DGKB: variants seen among roughly 807,000 people sequenced by gnomAD.
The protein encoded by DGKB is diacylglycerol kinase beta, also known as 90 kDa diacylglycerol kinase.
DGKB carries 67 observed loss-of-function variants against 114.3 expected under a neutral mutation model. The observed-to-expected ratio is 0.59, with a 90% CI of 0.48 to 0.72. DGKB has a LOEUF of 0.72. DGKB is among the 30% of genes least tolerant of loss of function. The probability of loss-of-function intolerance (pLI) is 0.00; values close to 1 mark genes in which losing one functional copy is unlikely to be tolerated. For synonymous variants in DGKB, 398 were observed against 323.1 expected, an observed-to-expected ratio of 1.23 and a Z score of -2.49; for missense variants, 907 against 975.2, an observed-to-expected ratio of 0.93 and a Z score of 0.93.
intron 17 of DGKB, among the ~76,000 whole-genome samples, chr7:14,605,757 A>C (rs898998763): frequency 6.6e-6 from 1 of 152,140 alleles, no homozygotes; most frequent in Non-Finnish European, 1.5e-5. Context: ...ATAGTGCTAC[A>C]AAACAGTCAT....
At chr7:14,176,604 G>T (rs1000816870) in intron 25 of DGKB, 8 of 1,224,074 alleles carry the variant, frequency 6.5e-6, no homozygotes, top group Non-Finnish European at 7.2e-6. Flanking sequence ...CTATTTAAAA[G>T]ATCTATTTAT....
chr7:14,811,590 T>C (rs1361322114), intron 2 of DGKB, among the ~76,000 whole-genome samples: 1 of 152,138 alleles, frequency 6.6e-6, no homozygotes, highest in Non-Finnish European at 1.5e-5. Context: ...AAATACATAA[T>C]CATGGAAATG....
chr7:14,334,394 GTGCGC>G (rs1810311517), intron 23 of DGKB, among the ~76,000 whole-genome samples: 1 of 49,444 alleles, frequency 2.0e-5, no homozygotes, highest in Admixed American at 2.4e-4. Context: ...GTGTGTGTGT[GTGCGC>G]GCGCGTGTAT....
chr7:14,935,463 C>T (rs893822750), intron 1 of DGKB, among the ~76,000 whole-genome samples: 1 of 152,112 alleles, frequency 6.6e-6, no homozygotes, highest in African/African-American at 2.4e-5. Context: ...GAAACTATCA[C>T]ATGCATTTTC....
At chr7:14,542,021 T>C (rs1353642236) in intron 20 of DGKB, among the ~76,000 whole-genome samples, 2 of 152,170 alleles carry the variant, frequency 1.3e-5, no homozygotes, top group East Asian at 1.9e-4. Context: ...CCTTCATTTT[T>C]GTCAAATGTA....
intron 19 of DGKB, among the ~76,000 whole-genome samples, chr7:14,577,687 G>T (rs1052251100): frequency 1.3e-5 from 2 of 151,958 alleles, no homozygotes; most frequent in Admixed American, 1.3e-4. Context: ...GATTTTCCTT[G>T]CAATTAAATT....
intron 23 of DGKB, among the ~76,000 whole-genome samples, chr7:14,302,522 C>T (rs2128490616): frequency 6.6e-6 from 1 of 152,206 alleles, no homozygotes; most frequent in East Asian, 1.9e-4. Context: ...CCCCCGGCCC[C>T]ATTGCTCGTT....
At chr7:14,386,405 A>G (rs1426027210) in intron 21 of DGKB, among the ~76,000 whole-genome samples, 1 of 152,312 alleles carries the variant, frequency 6.6e-6, no homozygotes, top group East Asian at 1.9e-4. Flanking sequence ...ACACTTAGAA[A>G]ATCTAGGCTG....
chr7:14,382,379 GT>G (rs34862681), intron 21 of DGKB, among the ~76,000 whole-genome samples: 30,842 of 146,990 alleles, frequency 0.21, 3,219 homozygotes, highest in South Asian at 0.29. Context: ...CAAATACATA[GT>G]TTTTTTTTTT....
chr7:14,561,278 T>TGCCTCTCCA (rs1796621198), intron 20 of DGKB, among the ~76,000 whole-genome samples: 1 of 152,188 alleles, frequency 6.6e-6, no homozygotes, highest in Non-Finnish European at 1.5e-5. Flanking sequence ...CTTTTCTTTC[T>TGCCTCTCCA]GCCATGATAG....
chr7:14,841,268 G>A lies in DGKB; in HGVS notation c.-5C>T, dbSNP rs1240939606. ...CCATTTTTCCTGGTTTGTCATGGTG[G>A]TGGTGAGAAGCTCTGTCACATACCA... On this transcript the variant is annotated 5_prime_UTR_variant, in exon 2 of 26. Coordinates refer to ENST00000402815, the MANE Select transcript of DGKB (RefSeq NM_001350709.2). 64 of 1,613,230 alleles carry A rather than the reference G, an allele frequency of 4.0e-5. No homozygotes were observed. In the Admixed American group the frequency reaches 1.0e-3, roughly 26 times the overall value.
intron 23 of DGKB, among the ~76,000 whole-genome samples, chr7:14,299,007 C>G (rs1265258120): frequency 6.6e-6 from 1 of 152,128 alleles, no homozygotes; most frequent in Non-Finnish European, 1.5e-5. Flanking sequence ...CCATCTCATA[C>G]CAGTTAGAAT....
intron 20 of DGKB, among the ~76,000 whole-genome samples, chr7:14,552,995 T>C (rs1462697018): frequency 6.6e-6 from 1 of 152,210 alleles, no homozygotes; most frequent in African/African-American, 2.4e-5. Flanking sequence ...TTTGAGATCT[T>C]TGGGATGCTT....
At chr7:14,326,431 G>T (rs1168019956) in intron 23 of DGKB, among the ~76,000 whole-genome samples, 2 of 152,134 alleles carry the variant, frequency 1.3e-5, no homozygotes, top group South Asian at 2.1e-4. Flanking sequence ...TCTGGTGCAT[G>T]AGTCAGGTGG....
intron 17 of DGKB, among the ~76,000 whole-genome samples, chr7:14,589,355 T>A (rs1801302134): frequency 6.6e-6 from 1 of 151,970 alleles, no homozygotes; most frequent in Non-Finnish European, 1.5e-5. Context: ...TTATTAGTAA[T>A]CTCTAGTCTT....
chr7:14,794,950 G>A (rs1027393384), intron 2 of DGKB, among the ~76,000 whole-genome samples: 1 of 152,084 alleles, frequency 6.6e-6, no homozygotes, highest in African/African-American at 2.4e-5. Flanking sequence ...ATAAAAGATT[G>A]GCCTTACATT....
chr7:14,243,917 A>C (rs1295664762), intron 23 of DGKB, among the ~76,000 whole-genome samples: 1 of 152,170 alleles, frequency 6.6e-6, no homozygotes, highest in African/African-American at 2.4e-5. Context: ...ATGTTGGTCA[A>C]ATCACCTAAC....
In DGKB at chr7:14,188,592, G is replaced by A. The variant is rs573875680; in HGVS notation, c.2123-10441C>T. ...GGAGAATGGCGTGAACCCGGGAGGC[G>A]GAGCTTGCAGTGAGCCTAGATCCCG... On this transcript the variant is annotated intron_variant, in intron 23 of 25. Transcript: ENST00000402815. Among the ~76,000 whole-genome samples, 350 of 142,810 alleles carry A rather than the reference G, an allele frequency of 2.5e-3. 32 individuals carry two copies. The highest frequency in any genetic ancestry group is 7.3e-3 in the Admixed American group (99 of 13,604). The allele number at this position is 142,810 out of a possible 152,430, so 93.7% of individuals were successfully genotyped here.
chr7:14,705,655 A>G (rs1431265014), intron 6 of DGKB, among the ~76,000 whole-genome samples: 2 of 150,604 alleles, frequency 1.3e-5, no homozygotes, highest in South Asian at 2.2e-4. Flanking sequence ...AGTGGGGGCC[A>G]ATATTCAACA....
Sources: allele counts gnomAD v4.1 joint callset (sites outside exome capture counted in the v4.1 genomes callset), GRCh38; gene constraint gnomAD v4.1.1; transcripts MANE v1.5; gene names NCBI Gene and HGNC (gene_info 2026-07-23, HGNC 2026-07-21).